CNTNAP2: variants seen among roughly 807,000 people sequenced by gnomAD.
The protein encoded by CNTNAP2 is contactin-associated protein-like 2.
In CNTNAP2, 98 loss-of-function variants were observed where a neutral mutation model predicts 155.2. That is an observed-to-expected ratio of 0.63 (90% CI 0.54 to 0.75). CNTNAP2 has a LOEUF of 0.75. CNTNAP2 is among the 30% of genes least tolerant of loss of function. The pLI is 0.00. For missense variants in CNTNAP2, 1,727 were observed against 1,688.1 expected, an observed-to-expected ratio of 1.02 and a Z score of -0.40; for synonymous variants, 651 against 631.2, an observed-to-expected ratio of 1.03 and a Z score of -0.47.
At chr7:147,806,408 A>G (rs1156513903) in intron 13 of CNTNAP2, among the ~76,000 whole-genome samples, 1 of 152,214 alleles carries the variant, frequency 6.6e-6, no homozygotes, top group East Asian at 1.9e-4. Context: ...GTGAATTAGT[A>G]TAGTCATTAT....
intron 21 of CNTNAP2, among the ~76,000 whole-genome samples, chr7:148,366,443 A>G (rs1021736430): frequency 7.2e-5 from 11 of 152,176 alleles, no homozygotes; most frequent in African/African-American, 1.9e-4. Flanking sequence ...TAGATACTCA[A>G]TAATTCCTTG....
At chr7:147,743,955 T>C (rs539439827) in intron 13 of CNTNAP2, among the ~76,000 whole-genome samples, 1 of 152,312 alleles carries the variant, frequency 6.6e-6, no homozygotes, top group Non-Finnish European at 1.5e-5. Flanking sequence ...CTGTGTGACC[T>C]TGGGCAAGTT....
intron 1 of CNTNAP2, among the ~76,000 whole-genome samples, chr7:146,704,589 C>A (rs193180538): frequency 6.6e-6 from 1 of 152,082 alleles, no homozygotes. Context: ...ATGATATACA[C>A]TTAAATGTAA....
chr7:146,973,642 T>A (rs1418070485), intron 3 of CNTNAP2, among the ~76,000 whole-genome samples: 1 of 152,208 alleles, frequency 6.6e-6, no homozygotes, highest in Non-Finnish European at 1.5e-5. Flanking sequence ...AGATGCTTTA[T>A]GGAAACTCTA....
chr7:146,600,569 G>T (rs1167940582), intron 1 of CNTNAP2, among the ~76,000 whole-genome samples: 1 of 152,048 alleles, frequency 6.6e-6, no homozygotes, highest in Non-Finnish European at 1.5e-5. Flanking sequence ...GTAATGTTTT[G>T]ATTATACTTG....
At chr7:146,939,217 A>G (rs1796994094) in intron 3 of CNTNAP2, among the ~76,000 whole-genome samples, 2 of 152,152 alleles carry the variant, frequency 1.3e-5, no homozygotes, top group Non-Finnish European at 2.9e-5. Flanking sequence ...GCAGTCTACA[A>G]TGTTTTTTCT....
At chr7:146,276,271 A>T (rs1046870560) in intron 1 of CNTNAP2, among the ~76,000 whole-genome samples, 7 of 152,192 alleles carry the variant, frequency 4.6e-5, no homozygotes, top group Non-Finnish European at 7.3e-5. Context: ...AAGAAGATAG[A>T]TACTCCTCAT....
At chr7:147,515,196 GTCATTGCCCA>G (rs1799097520) in intron 11 of CNTNAP2, among the ~76,000 whole-genome samples, 1 of 151,950 alleles carries the variant, frequency 6.6e-6, no homozygotes, top group Non-Finnish European at 1.5e-5. Context: ...ACTCCATCCA[GTCATTGCCCA>G]GATGTCATCT....
chr7:146,412,802 C>G (rs759463365), intron 1 of CNTNAP2, among the ~76,000 whole-genome samples: 1 of 152,192 alleles, frequency 6.6e-6, no homozygotes, highest in Non-Finnish European at 1.5e-5. Flanking sequence ...TGTGGCTCCT[C>G]AAACATTACT....
Position 146,586,658 on chromosome 7 carries a change from C to G in CNTNAP2, c.98-187613C>G, listed in dbSNP as rs117300439. Among the ~76,000 whole-genome samples, 849 of 152,208 alleles carry G rather than the reference C, an allele frequency of 5.6e-3. 5 individuals carry two copies. Among genetic ancestry groups the G allele is most frequent in the Non-Finnish European group, 8.1e-3 (554 of 67,984 alleles). On this transcript the variant is annotated intron_variant, in intron 1 of 23. Coordinates refer to ENST00000361727, the MANE Select transcript of CNTNAP2 (RefSeq NM_014141.6). ...ACACATATGTATTAACTAACACACACACATTTACAACAAAATAGTAGACAG... is the reference window on the plus strand; with the variant it reads ...ACACATATGTATTAACTAACACACAGACATTTACAACAAAATAGTAGACAG...
chr7:147,499,122 G>T (rs1798764586), intron 11 of CNTNAP2, among the ~76,000 whole-genome samples: 1 of 152,194 alleles, frequency 6.6e-6, no homozygotes, highest in Non-Finnish European at 1.5e-5. Flanking sequence ...TTCTAAAAGT[G>T]CAGTAAATGA....
chr7:146,382,121 GT>G (rs1563062758), intron 1 of CNTNAP2, among the ~76,000 whole-genome samples: 2 of 152,190 alleles, frequency 1.3e-5, no homozygotes, highest in Admixed American at 6.5e-5. Context: ...GGTTAAACCT[GT>G]TGGAAACTTA....
At chr7:146,879,844 A>T (rs975848991) in intron 3 of CNTNAP2, among the ~76,000 whole-genome samples, 1 of 152,132 alleles carries the variant, frequency 6.6e-6, no homozygotes, top group Non-Finnish European at 1.5e-5. Context: ...TGGGTAATTT[A>T]TAAAGAAAAA....
intron 15 of CNTNAP2, among the ~76,000 whole-genome samples, chr7:148,071,803 T>C (rs989052979): frequency 2.0e-5 from 3 of 152,196 alleles, no homozygotes; most frequent in Non-Finnish European, 4.4e-5. Context: ...TGTATACAAG[T>C]CTTCAATTCA....
intron 1 of CNTNAP2, among the ~76,000 whole-genome samples, chr7:146,355,523 T>C (rs1195061261): frequency 6.6e-6 from 1 of 152,178 alleles, no homozygotes; most frequent in East Asian, 1.9e-4. Flanking sequence ...TGGCCTCTGG[T>C]AATGAGCTAT....
At chr7:146,508,419 A>G (rs1797416889) in intron 1 of CNTNAP2, among the ~76,000 whole-genome samples, 1 of 152,236 alleles carries the variant, frequency 6.6e-6, no homozygotes, top group Non-Finnish European at 1.5e-5. Context: ...CAAGTGCCTG[A>G]GGCCAAGGTG....
chr7:146,342,659 G>T (rs111763310), intron 1 of CNTNAP2, among the ~76,000 whole-genome samples: 182 of 152,216 alleles, frequency 1.2e-3, no homozygotes, highest in African/African-American at 4.0e-3. Context: ...ACAGAATAAG[G>T]TGTATCTATG....
chr7:146,530,011 G>C (rs1299233648), intron 1 of CNTNAP2, among the ~76,000 whole-genome samples: 2 of 149,540 alleles, frequency 1.3e-5, no homozygotes, highest in Non-Finnish European at 2.9e-5. Flanking sequence ...AGATACAAAG[G>C]CATTTCTCTG....
At chr7:146,496,871 C>T (rs35652175) in intron 1 of CNTNAP2, among the ~76,000 whole-genome samples, 9,541 of 152,202 alleles carry the variant, frequency 0.063, 361 homozygotes, top group Non-Finnish European at 0.089. Flanking sequence ...TTAAATCATC[C>T]AACTGCAGAG....
Sources: allele counts gnomAD v4.1 joint callset (sites outside exome capture counted in the v4.1 genomes callset), GRCh38; gene constraint gnomAD v4.1.1; transcripts MANE v1.5; gene names NCBI Gene and HGNC (gene_info 2026-07-23, HGNC 2026-07-21).